The following UNC5D variants were observed in gnomAD, a reference collection of about 807,000 sequenced individuals.
UNC5D encodes unc-5 netrin receptor D, also known as netrin receptor UNC5D.
UNC5D carries 39 observed loss-of-function variants against 105.4 expected under a neutral mutation model. That is an observed-to-expected ratio of 0.37 (90% CI 0.29 to 0.48). UNC5D has a LOEUF of 0.48. UNC5D is among the 20% of genes least tolerant of loss of function. UNC5D has a pLI of 0.98. For synonymous variants in UNC5D, 452 were observed against 450.4 expected, an observed-to-expected ratio of 1.00 and a Z score of -0.04; for missense variants, 991 against 1,202.4, an observed-to-expected ratio of 0.82 and a Z score of 2.60.
At chr8:35,254,910 A>C (rs1803966816) in intron 1 of UNC5D, 1 of 152,352 alleles carries the variant, frequency 6.6e-6, no homozygotes, top group African/African-American at 2.4e-5. Flanking sequence ...AAAAAATCAA[A>C]GAAGCAAAAA....
chr8:35,525,286 T>G, intron 1 of UNC5D: 1 of 1,612,214 alleles, frequency 6.2e-7, no homozygotes. Context: ...CGTACATGGC[T>G]CAGTGCACTC....
intron 1 of UNC5D, among the ~76,000 whole-genome samples, chr8:35,245,055 C>A (rs2128804466): frequency 6.6e-6 from 1 of 152,170 alleles, no homozygotes; most frequent in Middle Eastern, 3.4e-3. Context: ...TTAGAGACAC[C>A]AATTTTTTAG....
chr8:35,570,083 A>G (rs1817616674), intron 3 of UNC5D, among the ~76,000 whole-genome samples: 2 of 152,186 alleles, frequency 1.3e-5, no homozygotes, highest in South Asian at 4.1e-4. Context: ...GTTTTTGCTT[A>G]CAAAATGTTG....
At chr8:35,764,770 T>C (rs1419007342) in intron 14 of UNC5D, among the ~76,000 whole-genome samples, 1 of 152,228 alleles carries the variant, frequency 6.6e-6, no homozygotes, top group East Asian at 1.9e-4. Context: ...CACTTAGTGA[T>C]CATTAGCTTG....
In UNC5D at chr8:35,242,809, A is replaced by T. The variant is rs77264449; in HGVS notation, c.103+6922A>T. Among the ~76,000 whole-genome samples, 445 of 152,268 alleles carry T rather than the reference A, an allele frequency of 2.9e-3. 7 individuals carry two copies. In the East Asian group the frequency reaches 0.036, roughly 12 times the overall value. On this transcript the variant is annotated intron_variant, in intron 1 of 16. Transcript: ENST00000404895. ...ATTAAAGAGAACGTATTTACTCAAT[A>T]TTGGAGAAGATTTGCCTCTAAATAA... is the stretch of plus-strand genomic sequence containing the variant.
chr8:35,418,127 T>C (rs1438287675), intron 1 of UNC5D, among the ~76,000 whole-genome samples: 1 of 152,188 alleles, frequency 6.6e-6, no homozygotes, highest in Non-Finnish European at 1.5e-5. Flanking sequence ...TGATTTTAAA[T>C]ATTTTTTTTT....
At chr8:35,390,660 G>A (rs761539150) in intron 1 of UNC5D, among the ~76,000 whole-genome samples, 1 of 152,236 alleles carries the variant, frequency 6.6e-6, no homozygotes, top group Non-Finnish European at 1.5e-5. Context: ...ACACTCTGGC[G>A]TTTCATTAAT....
At chr8:35,673,850 T>TAAAC (rs1374067003) in intron 4 of UNC5D, among the ~76,000 whole-genome samples, 1 of 152,182 alleles carries the variant, frequency 6.6e-6, no homozygotes, top group Non-Finnish European at 1.5e-5. Flanking sequence ...TCAGTCTTCT[T>TAAAC]AAACATTTTA....
chr8:35,369,182 A>G (rs1031039334), intron 1 of UNC5D, among the ~76,000 whole-genome samples: 1 of 152,194 alleles, frequency 6.6e-6, no homozygotes, highest in Non-Finnish European at 1.5e-5. Flanking sequence ...CTGTAATTAA[A>G]TCACCTATCT....
At chr8:35,338,239 T>C (rs999211466) in intron 1 of UNC5D, among the ~76,000 whole-genome samples, 5 of 152,162 alleles carry the variant, frequency 3.3e-5, no homozygotes, top group African/African-American at 1.2e-4. Context: ...CAAATGCCAG[T>C]CTCTCTACAG....
chr8:35,398,182 A>T (rs978686099), intron 1 of UNC5D, among the ~76,000 whole-genome samples: 1 of 152,206 alleles, frequency 6.6e-6, no homozygotes, highest in African/African-American at 2.4e-5. Flanking sequence ...GGAAAAGGGG[A>T]TGTTATTTAT....
At chr8:35,613,041 T>A (rs531185687) in intron 4 of UNC5D, among the ~76,000 whole-genome samples, 17 of 152,162 alleles carry the variant, frequency 1.1e-4, no homozygotes, top group African/African-American at 3.9e-4. Flanking sequence ...TCAGGGCAGG[T>A]AGAAGAACCA....
chr8:35,620,145 G>T (rs1019881505), intron 4 of UNC5D, among the ~76,000 whole-genome samples: 1 of 152,182 alleles, frequency 6.6e-6, no homozygotes, highest in Non-Finnish European at 1.5e-5. Context: ...TGGACTTCCA[G>T]AACGATTTGA....
chr8:35,676,317 A>G (rs116472988), intron 4 of UNC5D, among the ~76,000 whole-genome samples: 1,879 of 152,344 alleles, frequency 0.012, 45 homozygotes, highest in African/African-American at 0.043. Context: ...CTAAGTAACT[A>G]GTTTCTTTGC....
At chr8:35,505,786 C>T (rs1812270881) in intron 1 of UNC5D, among the ~76,000 whole-genome samples, 2 of 152,258 alleles carry the variant, frequency 1.3e-5, no homozygotes, top group South Asian at 4.2e-4. Context: ...TACACTAAGT[C>T]AGGAAAGTGA....
chr8:35,471,705 T>TAG (rs1809740513), intron 1 of UNC5D, among the ~76,000 whole-genome samples: 1 of 152,190 alleles, frequency 6.6e-6, no homozygotes. Flanking sequence ...CTAGCAAAGC[T>TAG]ATTGTGATGC....
intron 1 of UNC5D, among the ~76,000 whole-genome samples, chr8:35,258,102 T>G (rs994707016): frequency 6.6e-6 from 1 of 152,188 alleles, no homozygotes; most frequent in African/African-American, 2.4e-5. Context: ...TGAGATTTGA[T>G]GTCTAGGAGG....
intron 1 of UNC5D, among the ~76,000 whole-genome samples, chr8:35,533,537 G>GAGGC (rs1455607306): frequency 3.3e-5 from 5 of 152,228 alleles, no homozygotes; most frequent in Non-Finnish European, 7.3e-5. Flanking sequence ...GGAGCCTACA[G>GAGGC]AGGCAGGCAG....
rs543648088 is a variant in UNC5D at position 35,685,004 on chromosome 8, A to G, written c.919+255A>G. Among the ~76,000 whole-genome samples, 44 of 152,326 alleles carry G rather than the reference A, an allele frequency of 2.9e-4. No homozygotes were observed. The South Asian group carries it at 4.1e-3, about 14-fold the overall frequency. On this transcript the variant is annotated intron_variant, in intron 6 of 16. Transcript: ENST00000404895. ...ATTCATCGTCAATAAGCCAATTGCT[A>G]TGAAGTCTTGTTATACTGCTAGCAT...
Sources: allele counts gnomAD v4.1 joint callset (sites outside exome capture counted in the v4.1 genomes callset), GRCh38; gene constraint gnomAD v4.1.1; transcripts MANE v1.5; gene names NCBI Gene and HGNC (gene_info 2026-07-23, HGNC 2026-07-21).